Variants in CDH8 observed in about 807,000 individuals in gnomAD.
CDH8 encodes the protein cadherin 8.
Under a neutral mutation model 68.1 loss-of-function variants are expected in CDH8, and 17 were observed. That is an observed-to-expected ratio of 0.25 (90% CI 0.17 to 0.37). The LOEUF (loss-of-function observed/expected upper bound fraction) is 0.37. Among genes scored for constraint, CDH8 ranks in the 10% least tolerant of loss-of-function variants. The pLI is 1.00. For missense variants in CDH8, 763 were observed against 999.3 expected (o/e 0.76, Z 3.19); for synonymous variants, 372 against 365.1 (o/e 1.02, Z -0.21).
intron 10 of CDH8, among the ~76,000 whole-genome samples, chr16:61,682,433 C>T (rs1304805517): frequency 6.6e-6 from 1 of 151,892 alleles, no homozygotes; most frequent in Non-Finnish European, 1.5e-5. Flanking sequence ...ACCCATTTGC[C>T]AAAACCTCAA....
At chr16:61,914,470 T>G (rs1964206655) in intron 2 of CDH8, among the ~76,000 whole-genome samples, 1 of 152,160 alleles carries the variant, frequency 6.6e-6, no homozygotes, top group Non-Finnish European at 1.5e-5. Flanking sequence ...TTTGCAGATG[T>G]GACTAAATTA....
At chr16:61,725,517 CTG>C (rs1184757281) in intron 9 of CDH8, 1 of 150,860 alleles carries the variant, frequency 6.6e-6, no homozygotes, top group Non-Finnish European at 1.5e-5. Context: ...GCTTACCAGT[CTG>C]TGATTTGGCT....
intron 4 of CDH8, among the ~76,000 whole-genome samples, chr16:61,836,334 C>T (rs1380059434): frequency 6.6e-6 from 1 of 151,940 alleles, no homozygotes; most frequent in South Asian, 2.1e-4. Flanking sequence ...TTTTCTTAAC[C>T]TCTCTGAGTC....
intron 10 of CDH8, among the ~76,000 whole-genome samples, chr16:61,675,872 T>C (rs1304200356): frequency 6.6e-6 from 1 of 151,136 alleles, no homozygotes; most frequent in Non-Finnish European, 1.5e-5. Flanking sequence ...TTATAAACTT[T>C]AGACTAATGA....
intron 2 of CDH8, among the ~76,000 whole-genome samples, chr16:61,985,876 C>G (rs1965615881): frequency 6.6e-6 from 1 of 151,542 alleles, no homozygotes; most frequent in Admixed American, 6.6e-5. Flanking sequence ...TTTTAAATCT[C>G]CATATACATA....
rs543876420 is a variant in CDH8 at position 62,031,279 on chromosome 16, G to C, written c.-200+4801C>G. On this transcript the variant is annotated intron_variant, in intron 1 of 11. Transcript: ENST00000577390. ...TGCTTTGTGGAACATGAGTAAGATT[G>C]ATTTGAAAAAATGAGAAAAGCTGTG... is the stretch of plus-strand genomic sequence containing the variant. Among the ~76,000 whole-genome samples, 12 of 152,180 alleles carry C rather than the reference G, an allele frequency of 7.9e-5. No individual in the cohort carries two copies. The East Asian group carries it at 2.3e-3, about 29-fold the overall frequency.
chr16:61,855,400 A>G (rs1216527325), intron 4 of CDH8, among the ~76,000 whole-genome samples: 2 of 152,194 alleles, frequency 1.3e-5, no homozygotes, highest in Admixed American at 6.6e-5. Flanking sequence ...GAAACAAATT[A>G]TCTAAATGAC....
At chr16:61,903,777 C>T (rs182834588) in intron 2 of CDH8, among the ~76,000 whole-genome samples, 15 of 152,212 alleles carry the variant, frequency 9.9e-5, no homozygotes, top group Admixed American at 9.2e-4. Context: ...AACCATCCAG[C>T]TATCCGAAAA....
At chr16:61,921,658 A>T (rs758712643) in intron 2 of CDH8, among the ~76,000 whole-genome samples, 1 of 152,208 alleles carries the variant, frequency 6.6e-6, no homozygotes, top group Non-Finnish European at 1.5e-5. Context: ...CAAATACATG[A>T]TGTTAGAAAA....
intron 2 of CDH8, among the ~76,000 whole-genome samples, chr16:62,015,977 T>C (rs1445356927): frequency 6.6e-6 from 1 of 152,176 alleles, no homozygotes; most frequent in Non-Finnish European, 1.5e-5. Context: ...ACAGCAGAAC[T>C]GACTAAGACA....
chr16:61,734,665 AT>A (rs1319591645), intron 8 of CDH8, among the ~76,000 whole-genome samples: 1 of 151,398 alleles, frequency 6.6e-6, no homozygotes, highest in Non-Finnish European at 1.5e-5. Context: ...TCTGTCTCTC[AT>A]TTTTTTTAAC....
intron 2 of CDH8, among the ~76,000 whole-genome samples, chr16:61,917,968 CTTTTTT>C (rs71390381): frequency 0.09 from 11,871 of 131,848 alleles, 583 homozygotes; most frequent in African/African-American, 0.12. Flanking sequence ...AAGTTATTTG[CTTTTTT>C]TTTTTTTTTT....
intron 10 of CDH8, among the ~76,000 whole-genome samples, chr16:61,695,872 C>T (rs1380829534): frequency 2.6e-5 from 4 of 152,028 alleles, no homozygotes; most frequent in East Asian, 1.9e-4. Context: ...GAAGTGTTTG[C>T]GGATGTTTCA....
At chr16:61,864,853 A>G (rs1963222951) in intron 3 of CDH8, among the ~76,000 whole-genome samples, 3 of 152,180 alleles carry the variant, frequency 2.0e-5, no homozygotes, top group Non-Finnish European at 4.4e-5. Context: ...GAGTAATGTC[A>G]AGCTGATAAC....
In CDH8 at chr16:61,652,659, G is replaced by A; in HGVS notation, c.*949C>T. The A allele has an allele frequency of 3.5e-6, 4 of 1,137,596 alleles. No individual in the cohort carries two copies. The highest frequency in any genetic ancestry group is 4.5e-6 in the Non-Finnish European group (4 of 897,908). The allele number at this position is 1,137,596 out of a possible 1,614,324, so 70.5% of individuals were successfully genotyped here. A position where few individuals can be genotyped will look rare whatever the true frequency, so the allele number is the denominator to read the frequency against. ...ATATATTTATATAAAACAATCTAAA[G>A]GATTATTAATGGATATAATTTAGTT... On this transcript the variant is annotated 3_prime_UTR_variant, in exon 12 of 12. Coordinates refer to ENST00000577390, the MANE Select transcript of CDH8 (RefSeq NM_001796.5).
intron 2 of CDH8, among the ~76,000 whole-genome samples, chr16:61,913,976 C>T (rs1460636830): frequency 6.6e-6 from 1 of 152,064 alleles, no homozygotes; most frequent in Non-Finnish European, 1.5e-5. Context: ...GGAGACAAGA[C>T]CTTTAAACAA....
At chr16:61,854,022 A>G (rs908113768) in intron 4 of CDH8, among the ~76,000 whole-genome samples, 1 of 152,024 alleles carries the variant, frequency 6.6e-6, no homozygotes, top group Admixed American at 6.6e-5. Context: ...GTGTGTATAT[A>G]CAAGCACATA....
intron 10 of CDH8, among the ~76,000 whole-genome samples, chr16:61,662,724 A>G (rs980702020): frequency 6.6e-6 from 1 of 151,938 alleles, no homozygotes; most frequent in Non-Finnish European, 1.5e-5. Flanking sequence ...TATTATAAGT[A>G]ATCTAGAGGT....
intron 2 of CDH8, among the ~76,000 whole-genome samples, chr16:62,000,710 GTTGAA>G (rs796858838): frequency 3.2e-4 from 48 of 152,240 alleles, no homozygotes; most frequent in African/African-American, 1.2e-3. Context: ...TGGCCAAAAT[GTTGAA>G]TTGAAGTTTT....
Sources: allele counts gnomAD v4.1 joint callset (sites outside exome capture counted in the v4.1 genomes callset), GRCh38; gene constraint gnomAD v4.1.1; transcripts MANE v1.5; gene names NCBI Gene and HGNC (gene_info 2026-07-23, HGNC 2026-07-21).